MPRIP: variants seen among roughly 807,000 people sequenced by gnomAD.
The protein encoded by MPRIP is myosin phosphatase Rho-interacting protein.
Under a neutral mutation model 234.9 loss-of-function variants are expected in MPRIP, and 59 were observed. The observed-to-expected ratio is 0.25, with a 90% CI of 0.20 to 0.31. MPRIP has a LOEUF of 0.31. MPRIP is among the 10% of genes least tolerant of loss of function. The pLI is 1.00. For synonymous variants in MPRIP, 1,144 were observed against 1,263.9 expected, an observed-to-expected ratio of 0.91 and a Z score of 2.01; for missense variants, 2,436 against 3,071.0, an observed-to-expected ratio of 0.79 and a Z score of 4.89.
At chr17:17,125,214 C>T (rs932298987) in intron 3 of MPRIP, among the ~76,000 whole-genome samples, 2 of 152,252 alleles carry the variant, frequency 1.3e-5, no homozygotes, top group African/African-American at 4.8e-5. Context: ...AATGTGGCTC[C>T]TCCTCGTGTC....
At chr17:17,048,697 G>A (rs1420949132) in intron 1 of MPRIP, among the ~76,000 whole-genome samples, 6 of 152,166 alleles carry the variant, frequency 3.9e-5, no homozygotes, top group Non-Finnish European at 7.3e-5. Context: ...TGTTGGCGAG[G>A]ATGTGAAGAA....
At chr17:17,160,540 T>A (rs754720454) in intron 14 of MPRIP, among the ~76,000 whole-genome samples, 1 of 152,100 alleles carries the variant, frequency 6.6e-6, no homozygotes, top group Non-Finnish European at 1.5e-5. Context: ...CTGGGAGGTG[T>A]GTAGGGAAGA....
intron 3 of MPRIP, among the ~76,000 whole-genome samples, chr17:17,103,535 C>CA (rs2090004576): frequency 6.6e-6 from 1 of 152,150 alleles, no homozygotes; most frequent in African/African-American, 2.4e-5. Context: ...ATGCCCTGAC[C>CA]AAAGCAGATT....
intron 3 of MPRIP, among the ~76,000 whole-genome samples, chr17:17,114,079 G>A (rs2144308116): frequency 6.6e-6 from 1 of 151,914 alleles, no homozygotes; most frequent in African/African-American, 2.4e-5. Context: ...TATTTTTAGA[G>A]ATGAGGTCTC....
At chr17:17,112,052 T>C (rs1009941231) in intron 3 of MPRIP, among the ~76,000 whole-genome samples, 4 of 152,128 alleles carry the variant, frequency 2.6e-5, no homozygotes, top group Non-Finnish European at 2.9e-5. Flanking sequence ...TTACGAGGTG[T>C]GCGGGTGCTG....
chr17:17,114,921 T>G (rs2090253317), intron 3 of MPRIP, among the ~76,000 whole-genome samples: 1 of 152,266 alleles, frequency 6.6e-6, no homozygotes. Flanking sequence ...GGTCCTTGTT[T>G]TCTTATTTTC....
intron 3 of MPRIP, among the ~76,000 whole-genome samples, chr17:17,118,168 G>C (rs1038303448): frequency 6.6e-6 from 1 of 152,228 alleles, no homozygotes; most frequent in Admixed American, 6.5e-5. Context: ...CACGGGGGCT[G>C]TGTGGCTAGC....
chr17:17,175,458 G>A, intron 20 of MPRIP, 46 bp downstream of exon 20: 5 of 1,539,214 alleles, frequency 3.2e-6, no homozygotes, highest in East Asian at 2.4e-5. Flanking sequence ...CTGCACCCAG[G>A]AACCCCAGGG....
chr17:17,136,726 A>G (rs975079513), intron 6 of MPRIP, among the ~76,000 whole-genome samples: 7 of 152,208 alleles, frequency 4.6e-5, no homozygotes, highest in Non-Finnish European at 1.0e-4. Flanking sequence ...AGGAGAATCA[A>G]AAACGTTTTG....
chr17:17,136,370 T>C lies in MPRIP; in HGVS notation c.656T>C (p.Leu219Pro), dbSNP rs568677232. ...AAGGACCAGCCAGATGGCAGCAGCC[T>C]GAGTCCAGCTCAGAGTCCCAGCCAG... is the stretch of plus-strand genomic sequence containing the variant. ...RTKDQPDGSS[L>P]SPAQSPSQSQ... Residue 219 changes from leucine to proline, a missense_variant, in exon 6 of 24, where the codon CTG becomes CCG. Physicochemically the swap from Leu to Pro is moderately conservative, Grantham distance 98. Coordinates refer to ENST00000651222, the MANE Select transcript of MPRIP (RefSeq NM_001364716.4). The C allele has an allele frequency of 2.5e-6, 4 of 1,610,564 alleles. No homozygotes were observed. The highest frequency in any genetic ancestry group is 3.4e-6 in the Non-Finnish European group (4 of 1,178,390).
In MPRIP at chr17:17,165,838, T is replaced by C. The variant is rs1373318354; in HGVS notation, c.4247T>C (p.Leu1416Pro). 6 of 1,304,074 alleles carry C rather than the reference T, an allele frequency of 4.6e-6. No individual in the cohort carries two copies. The highest frequency in any genetic ancestry group is 6.1e-6 in the Non-Finnish European group (6 of 988,974). The allele number at this position is 1,304,074 out of a possible 1,614,324, so 80.8% of individuals were successfully genotyped here. ...CAGGGTCAGAGCCGTGAGGCACTGC[T>C]CGCACTGCACCACCAGTGGGCGGGC... ...SQQGQSREALLALHHQWAGTE... is the reference protein window; with the variant it reads ...SQQGQSREALPALHHQWAGTE... Residue 1416 changes from leucine to proline, a missense_variant, in exon 16 of 24, where the codon CTC becomes CCC. By Grantham distance (98) the Leu-to-Pro change is moderately conservative (BLOSUM62 -3). Around this residue, in one of 4 missense-constraint regions of MPRIP, gnomAD observed 1,998 missense variants for 2,520.3 expected, o/e 0.79. Coordinates refer to ENST00000651222, the MANE Select transcript of MPRIP (RefSeq NM_001364716.4).
chr17:17,163,797 C>T (rs554103332), intron 15 of MPRIP, among the ~76,000 whole-genome samples: 142 of 152,098 alleles, frequency 9.3e-4, no homozygotes, highest in Non-Finnish European at 1.8e-3. Flanking sequence ...GTCCTTTAGT[C>T]TTTGTTTTGC....
intron 16 of MPRIP, chr17:17,168,178 A>C (rs2046046838): frequency 3.1e-6 from 1 of 321,162 alleles, no homozygotes; most frequent in Non-Finnish European, 6.1e-6. Flanking sequence ...TAGTCTTCCC[A>C]GCACTTCCCT....
intron 3 of MPRIP, among the ~76,000 whole-genome samples, chr17:17,080,796 G>A (rs73277625): frequency 0.067 from 10,198 of 152,308 alleles, 409 homozygotes; most frequent in African/African-American, 0.1. Context: ...TATTAGCTCT[G>A]CTCTTAAACA....
At chr17:17,182,850 C>A (rs1044370040) in intron 23 of MPRIP, 1 of 152,324 alleles carries the variant, frequency 6.6e-6, no homozygotes, top group Admixed American at 6.5e-5. Flanking sequence ...AAGTCCCCAA[C>A]AAGCAGGAAC....
intron 3 of MPRIP, among the ~76,000 whole-genome samples, chr17:17,098,026 G>A (rs73979082): frequency 0.082 from 12,429 of 152,210 alleles, 717 homozygotes; most frequent in East Asian, 0.17. Context: ...AGGAAGCTGG[G>A]GGTGATGGGC....
chr17:17,138,318 GGAT>G lies in MPRIP; in HGVS notation c.1140_1142del (p.Arg380_Ile381delinsSer). ...CTGGCCGACGTCCCTAAGGCCATCA[GGAT>G]CAGCCACCGAGAAGCCTTCCAGGTG... On this transcript the variant is annotated inframe_deletion, in exon 7 of 24. Coordinates refer to ENST00000651222, the MANE Select transcript of MPRIP (RefSeq NM_001364716.4). The surrounding 1 kb of genome is among the most constrained non-coding windows in gnomAD (Gnocchi z 5.8). 1 of 382,990 alleles carries G rather than the reference GGAT, an allele frequency of 2.6e-6. No homozygotes were observed. The highest frequency in any genetic ancestry group is 8.5e-5 in the South Asian group (1 of 11,736). The allele number at this position is 382,990 out of a possible 1,614,324, so 23.7% of individuals were successfully genotyped here.
At chr17:17,153,454 C>T (rs755685847) in intron 12 of MPRIP, among the ~76,000 whole-genome samples, 1 of 152,018 alleles carries the variant, frequency 6.6e-6, no homozygotes, top group Non-Finnish European at 1.5e-5. Flanking sequence ...ACTGGCCCTC[C>T]CCTGCCTGGT....
chr17:17,043,024 C>A, intron 1 of MPRIP, 53 bp downstream of exon 1: 1 of 1,562,940 alleles, frequency 6.4e-7, no homozygotes, highest in Non-Finnish European at 8.7e-7. Context: ...CGCGGGTCGG[C>A]GGCCGGGGCG....
Sources: gnomAD v4.1 joint callset for allele counts (sites outside exome capture counted in the v4.1 genomes callset) on GRCh38, gnomAD v4.1.1 for gene constraint, gnomAD v4.1.1 regional missense constraint, Gnocchi (gnomAD v3.1) non-coding constraint, MANE v1.5 for transcripts, NCBI Gene and HGNC (gene_info 2026-07-23, HGNC 2026-07-21) for gene names.